ERGIC1: variants seen among roughly 807,000 people sequenced by gnomAD.
ERGIC1 encodes the protein endoplasmic reticulum-golgi intermediate compartment 1.
In ERGIC1, 19 loss-of-function variants were observed where a neutral mutation model predicts 38.3. That is an observed-to-expected ratio of 0.50 (90% CI 0.35 to 0.73). The LOEUF (loss-of-function observed/expected upper bound fraction) is 0.73. Ranked by LOEUF, ERGIC1 falls within the 30% of genes least tolerant of loss-of-function variation. The pLI, the probability that ERGIC1 is intolerant of heterozygous loss-of-function variation, is 0.01. For missense variants in ERGIC1, 294 were observed against 389.2 expected (o/e 0.76, Z 2.06); for synonymous variants, 124 against 157.6 (o/e 0.79, Z 1.60).
At position 172,926,369 on chromosome 5, in the gene ERGIC1, C is replaced by A. The variant is rs955241105; in HGVS notation, c.481-140C>A. 6.0e-6 allele frequency: 5 copies of A among 827,102 alleles called. No homozygotes were observed. The highest frequency in any genetic ancestry group is 9.8e-6 in the Non-Finnish European group (5 of 511,866). The allele number at this position is 827,102 out of a possible 1,614,324, so 51.2% of individuals were successfully genotyped here. ...GCCAGGCCCCTGCTGCCTCTTGCTC[C>A]CCACAAATCCGCTGGAGCCCCCTTT... On this transcript the variant is annotated intron_variant, in intron 6 of 9. Transcript: ENST00000393784. The surrounding 1 kb of genome is among the most constrained non-coding windows in gnomAD (Gnocchi z 5.2).
At chr5:172,874,882 G>A (rs1356536280) in intron 1 of ERGIC1, among the ~76,000 whole-genome samples, 6 of 148,030 alleles carry the variant, frequency 4.1e-5, no homozygotes, top group African/African-American at 1.3e-4. Context: ...CCATGATCGC[G>A]CCACTGCACT....
intron 1 of ERGIC1, chr5:172,867,213 G>A (rs1761888764): frequency 2.2e-6 from 1 of 455,536 alleles, no homozygotes; most frequent in African/African-American, 2.0e-5. Context: ...AAGTGGGGAT[G>A]CTGGCAGCCC....
chr5:172,870,576 CTA>C (rs755679384), intron 1 of ERGIC1, among the ~76,000 whole-genome samples: 2 of 152,228 alleles, frequency 1.3e-5, no homozygotes, highest in Non-Finnish European at 2.9e-5. Context: ...TGTTTCCTCT[CTA>C]TGAATCATAA....
chr5:172,948,297 A>G (rs571192146), intron 9 of ERGIC1, among the ~76,000 whole-genome samples: 57 of 152,302 alleles, frequency 3.7e-4, no homozygotes, highest in African/African-American at 1.2e-3. Context: ...TGGAAATATC[A>G]TTTAAAAAAA....
chr5:172,858,861 C>T (rs138593196), intron 1 of ERGIC1, among the ~76,000 whole-genome samples: 78 of 152,370 alleles, frequency 5.1e-4, no homozygotes, highest in African/African-American at 1.8e-3. Context: ...GTCCATGCTT[C>T]CCTGCCCTGT....
Position 172,858,416 on chromosome 5 carries a change from T to G in ERGIC1, c.20+23983T>G, listed in dbSNP as rs148004435. Among the ~76,000 whole-genome samples the G allele has an allele frequency of 2.8e-3, 430 of 152,230 alleles. 1 individual carries two copies. Among genetic ancestry groups the G allele is most frequent in the African/African-American group, 0.01 (420 of 41,538 alleles). ...GATGCGAAGGGAAGAGCGGACCCATTCCGGGTCTCGGGCAGTGTCTGAGCA... is the reference window on the plus strand; with the variant it reads ...GATGCGAAGGGAAGAGCGGACCCATGCCGGGTCTCGGGCAGTGTCTGAGCA... On this transcript the variant is annotated intron_variant, in intron 1 of 9. Transcript: ENST00000393784.
intron 2 of ERGIC1, among the ~76,000 whole-genome samples, chr5:172,894,242 C>CT (rs1179848812): frequency 8.3e-6 from 1 of 121,144 alleles, no homozygotes; most frequent in Non-Finnish European, 1.6e-5. Flanking sequence ...TTTACCCAGG[C>CT]TGGAGTGCAG....
In ERGIC1 at chr5:172,908,306, C is replaced by G. The variant is rs13185656; in HGVS notation, c.156-1361C>G. 8.5e-3 allele frequency among the ~76,000 whole-genome samples: 126 copies of G among 14,802 alleles called. 2 individuals are homozygous for G. The highest frequency in any genetic ancestry group is 0.03 in the South Asian group (5 of 164). The allele number at this position is 14,802 out of a possible 152,430, so 9.7% of individuals were successfully genotyped here. A position where few individuals can be genotyped will look rare whatever the true frequency, so the allele number is the denominator to read the frequency against. Reference sequence around the variant, plus strand: ...GCACTTTGGGAGGCTGAGGCGGGGGCGGGGGGGGGGGGAGAGAGGGGAGGG... The same window carrying G: ...GCACTTTGGGAGGCTGAGGCGGGGGGGGGGGGGGGGGGAGAGAGGGGAGGG... On this transcript the variant is annotated intron_variant, in intron 3 of 9. Coordinates refer to ENST00000393784, the MANE Select transcript of ERGIC1 (RefSeq NM_001031711.3).
intron 1 of ERGIC1, among the ~76,000 whole-genome samples, chr5:172,871,065 CTGT>C (rs1326080684): frequency 1.3e-5 from 2 of 152,362 alleles, no homozygotes; most frequent in Admixed American, 6.5e-5. Context: ...GTGGGCCGTG[CTGT>C]TGTTTGTGAA....
chr5:172,932,612 T>C (rs1763803670), intron 8 of ERGIC1, 76 bp downstream of exon 8: 1 of 1,420,610 alleles, frequency 7.0e-7, no homozygotes, highest in Non-Finnish European at 9.8e-7. Context: ...GACAGGCGGC[T>C]GCACCGACGC....
intron 9 of ERGIC1, chr5:172,935,615 T>A (rs1348149741): frequency 1.3e-5 from 4 of 303,974 alleles, no homozygotes; most frequent in Non-Finnish European, 1.9e-5. Context: ...TTCTCCAGCT[T>A]TTTATTGTTA....
intron 1 of ERGIC1, among the ~76,000 whole-genome samples, chr5:172,868,868 T>C (rs1473435195): frequency 2.0e-5 from 3 of 152,236 alleles, no homozygotes; most frequent in African/African-American, 7.2e-5. Context: ...TCTAAAAATA[T>C]AGCCTATGTT....
intron 1 of ERGIC1, among the ~76,000 whole-genome samples, chr5:172,858,754 G>C (rs1761622720): frequency 6.6e-6 from 1 of 152,202 alleles, no homozygotes; most frequent in Non-Finnish European, 1.5e-5. Context: ...ATGGGTGGGG[G>C]TCCGCTGTTG....
intron 2 of ERGIC1, among the ~76,000 whole-genome samples, chr5:172,894,840 ACT>A (rs1352014494): frequency 6.6e-6 from 1 of 150,948 alleles, no homozygotes; most frequent in East Asian, 2.0e-4. Context: ...CCCAGCAAAC[ACT>A]CTCTTTCTTC....
In ERGIC1 at chr5:172,926,064, G is replaced by A. The variant is rs997966975; in HGVS notation, c.481-445G>A. On this transcript the variant is annotated intron_variant, in intron 6 of 9. Transcript: ENST00000393784. This position sits in a 1 kb window ranked among gnomAD's most constrained non-coding sequence, Gnocchi z 5.2. The stretch of plus-strand genomic sequence containing the variant: ...TTCAGAGGACCCTGGGATCTCAGGA[G>A]AAACTTTCTGGGACCCAGAATCCAT... Among the ~76,000 whole-genome samples, 1 of 152,196 alleles carries A rather than the reference G, an allele frequency of 6.6e-6. No homozygotes were observed.
At chr5:172,924,574 T>C (rs1244863065) in intron 6 of ERGIC1, among the ~76,000 whole-genome samples, 3 of 151,970 alleles carry the variant, frequency 2.0e-5, no homozygotes, top group Middle Eastern at 3.2e-3. Flanking sequence ...AGAGCACCCA[T>C]CTGCAATGAG....
rs1373476784 is a variant in ERGIC1, at chr5:172,932,656, T to TG, written c.642+125dup. Reference sequence around the variant, plus strand: ...CTGATTCCTTTCTGGAGGCCTTTCCTGGGGGTTAGCTTGGGCCAGGCGCTG... The same window carrying TG: ...CTGATTCCTTTCTGGAGGCCTTTCCTGGGGGGTTAGCTTGGGCCAGGCGCTG... On this transcript the variant is annotated intron_variant, in intron 8 of 9. Transcript: ENST00000393784. 8.9e-6 allele frequency: 9 copies of TG among 1,013,854 alleles called. No individual in the cohort carries two copies. In the Admixed American group the frequency reaches 1.5e-4, roughly 17 times the overall value. The allele number at this position is 1,013,854 out of a possible 1,614,324, so 62.8% of individuals were successfully genotyped here. A position where few individuals can be genotyped will look rare whatever the true frequency, so the allele number is the denominator to read the frequency against.
At chr5:172,901,628 G>C (rs1289556433) in intron 3 of ERGIC1, among the ~76,000 whole-genome samples, 1 of 151,950 alleles carries the variant, frequency 6.6e-6, no homozygotes, top group African/African-American at 2.4e-5. Context: ...TTTTGAAACA[G>C]GGCCTCATTC....
Position 172,926,934 on chromosome 5 carries a change from C to A in ERGIC1, c.541+365C>A. ...ACCAGGATCTGTTCTGCCTCCAGGT[C>A]GCACCGTGAGAACAGGTCTGTGGGT... On this transcript the variant is annotated intron_variant, in intron 7 of 9. Transcript: ENST00000393784. This position sits in a 1 kb window ranked among gnomAD's most constrained non-coding sequence, Gnocchi z 5.2. The A allele has an allele frequency of 3.9e-6, 1 of 254,126 alleles. No homozygotes were observed. The highest frequency in any genetic ancestry group is 7.8e-6 in the Non-Finnish European group (1 of 127,410). The allele number at this position is 254,126 out of a possible 1,614,324, so 15.7% of individuals were successfully genotyped here.
Sources: gnomAD v4.1 joint callset for allele counts (sites outside exome capture counted in the v4.1 genomes callset) on GRCh38, gnomAD v4.1.1 for gene constraint, Gnocchi (gnomAD v3.1) non-coding constraint, MANE v1.5 for transcripts, NCBI Gene and HGNC (gene_info 2026-07-23, HGNC 2026-07-21) for gene names.